The following CCDC91 variants were observed in gnomAD, a reference collection of about 807,000 sequenced individuals.
CCDC91 encodes coiled-coil domain-containing protein 91.
Under a neutral mutation model 63.2 loss-of-function variants are expected in CCDC91, and 48 were observed. The ratio of observed to expected loss-of-function variants is 0.76; its 90% CI spans 0.60 to 0.97. CCDC91 has a LOEUF of 0.97. CCDC91 is among the 50% of genes least tolerant of loss of function. CCDC91 has a pLI of 0.00. For missense variants in CCDC91, 500 were observed against 494.6 expected, an observed-to-expected ratio of 1.01 and a Z score of -0.10; for synonymous variants, 167 against 165.8, an observed-to-expected ratio of 1.01 and a Z score of -0.06.
intron 11 of CCDC91, among the ~76,000 whole-genome samples, chr12:28,468,447 G>GA (rs1263780640): frequency 6.6e-6 from 1 of 151,738 alleles, no homozygotes; most frequent in Non-Finnish European, 1.5e-5. Context: ...AAAGCTGTAA[G>GA]AAAAAGTCTC....
At chr12:28,511,992 A>T (rs7964735) in intron 12 of CCDC91, among the ~76,000 whole-genome samples, 16,241 of 151,866 alleles carry the variant, frequency 0.11, 2,384 homozygotes, top group African/African-American at 0.33. Flanking sequence ...TCTGAATCTC[A>T]TTAAAAACAC....
intron 11 of CCDC91, among the ~76,000 whole-genome samples, chr12:28,477,404 T>C (rs891377428): frequency 6.6e-6 from 1 of 152,178 alleles, no homozygotes; most frequent in Non-Finnish European, 1.5e-5. Context: ...AAAAGGCCTT[T>C]GACAAAATTC....
At chr12:28,200,287 T>C (rs1311702220) in intron 1 of CCDC91, among the ~76,000 whole-genome samples, 2 of 151,112 alleles carry the variant, frequency 1.3e-5, no homozygotes, top group African/African-American at 2.4e-5. Flanking sequence ...TTTTTATTTA[T>C]TTATTTATTT....
At chr12:28,258,795 C>T (rs1946624821) in intron 2 of CCDC91, among the ~76,000 whole-genome samples, 1 of 151,934 alleles carries the variant, frequency 6.6e-6, no homozygotes. Flanking sequence ...AAACTCTGTG[C>T]TCTTACCTAC....
chr12:28,274,565 C>T (rs10771419), intron 3 of CCDC91, among the ~76,000 whole-genome samples: 139,199 of 152,144 alleles, frequency 0.91, 64,839 homozygotes, highest in East Asian at 1. Context: ...ACGTCCCTTG[C>T]ACGTTGGATT....
intron 1 of CCDC91, among the ~76,000 whole-genome samples, chr12:28,191,639 C>CA (rs1009400153): frequency 2.6e-5 from 4 of 150,952 alleles, no homozygotes; most frequent in African/African-American, 7.3e-5. Flanking sequence ...TTCCCCCCCC[C>CA]ACAATATTTA....
chr12:28,352,586 T>G (rs1384182946), intron 6 of CCDC91, among the ~76,000 whole-genome samples: 2 of 152,186 alleles, frequency 1.3e-5, no homozygotes, highest in Non-Finnish European at 2.9e-5. Context: ...TCTGTTCGAG[T>G]GTTATGTAAT....
At chr12:28,426,961 C>G (rs1423750932) in intron 8 of CCDC91, among the ~76,000 whole-genome samples, 1 of 152,088 alleles carries the variant, frequency 6.6e-6, no homozygotes, top group Non-Finnish European at 1.5e-5. Flanking sequence ...TTAATATTTT[C>G]TCTTGCTGTA....
intron 11 of CCDC91, among the ~76,000 whole-genome samples, chr12:28,460,294 G>A (rs1194895038): frequency 1.3e-5 from 2 of 152,022 alleles, no homozygotes; most frequent in East Asian, 1.9e-4. Flanking sequence ...TCTGAAGTTC[G>A]TTTACGTTCT....
At chr12:28,272,354 A>G (rs1267542859) in intron 3 of CCDC91, among the ~76,000 whole-genome samples, 4 of 151,448 alleles carry the variant, frequency 2.6e-5, no homozygotes, top group Non-Finnish European at 2.9e-5. Context: ...TGTTTTTACC[A>G]ATGTTGTTGT....
intron 3 of CCDC91, among the ~76,000 whole-genome samples, chr12:28,273,820 G>C (rs1947979151): frequency 6.6e-6 from 1 of 152,022 alleles, no homozygotes; most frequent in East Asian, 1.9e-4. Flanking sequence ...AGTTTCTTTT[G>C]CTGTGCAGAA....
intron 12 of CCDC91, among the ~76,000 whole-genome samples, chr12:28,539,954 A>G (rs1350313218): frequency 1.3e-5 from 2 of 152,110 alleles, no homozygotes; most frequent in Admixed American, 6.6e-5. Flanking sequence ...AGTAACTTTC[A>G]TTTAATTAAG....
chr12:28,374,370 C>T (rs1471282875), intron 7 of CCDC91, among the ~76,000 whole-genome samples: 2 of 151,934 alleles, frequency 1.3e-5, no homozygotes, highest in African/African-American at 2.4e-5. Flanking sequence ...ATTTCTTTTT[C>T]CAATTCTTTT....
intron 3 of CCDC91, among the ~76,000 whole-genome samples, chr12:28,267,337 A>G (rs970424881): frequency 2.9e-4 from 44 of 151,676 alleles, no homozygotes; most frequent in Admixed American, 2.0e-3. Context: ...AGAAGTACTT[A>G]TAGATTTTCC....
chr12:28,319,987 G>A (rs928770104), intron 6 of CCDC91, among the ~76,000 whole-genome samples: 4 of 151,786 alleles, frequency 2.6e-5, no homozygotes, highest in Non-Finnish European at 5.9e-5. Context: ...GAGATTCCAG[G>A]CTGTATGCTA....
chr12:28,226,331 C>T (rs1944272460), intron 1 of CCDC91: 1 of 152,156 alleles, frequency 6.6e-6, no homozygotes. Context: ...CTTGTAGCTC[C>T]ACCTCGTTTC....
intron 11 of CCDC91, among the ~76,000 whole-genome samples, chr12:28,479,869 TATATC>T (rs1951348206): frequency 1.3e-5 from 2 of 152,142 alleles, no homozygotes; most frequent in African/African-American, 2.4e-5. Context: ...TTACTTTTGA[TATATC>T]ATATGGGGTG....
At chr12:28,220,142 C>G (rs890529662) in intron 1 of CCDC91, among the ~76,000 whole-genome samples, 4 of 151,944 alleles carry the variant, frequency 2.6e-5, no homozygotes, top group Admixed American at 2.6e-4. Flanking sequence ...TATCATTTTA[C>G]TATTTGTTTT....
intron 12 of CCDC91, among the ~76,000 whole-genome samples, chr12:28,492,153 C>T (rs1278627748): frequency 1.3e-5 from 2 of 151,560 alleles, no homozygotes; most frequent in Non-Finnish European, 2.9e-5. Context: ...ACACAGCATG[C>T]ATCTGTGTAT....
Sources: allele counts gnomAD v4.1 joint callset (sites outside exome capture counted in the v4.1 genomes callset), GRCh38; gene constraint gnomAD v4.1.1; transcripts MANE v1.5; gene names NCBI Gene and HGNC (gene_info 2026-07-23, HGNC 2026-07-21).